Variants in GALK2 observed in about 807,000 individuals in gnomAD.
The protein encoded by GALK2 is galactokinase 2, also known as N-acetylgalactosamine kinase.
A neutral mutation model predicts 52.4 loss-of-function variants in GALK2; 36 were observed. The observed-to-expected ratio is 0.69, with a 90% CI of 0.53 to 0.91. The LOEUF (loss-of-function observed/expected upper bound fraction) is 0.91, where lower values mean the gene tolerates loss of function less well. Ranked by LOEUF, GALK2 falls within the 40% of genes least tolerant of loss-of-function variation. The pLI, the probability that GALK2 is intolerant of heterozygous loss-of-function variation, is 0.00. For synonymous variants in GALK2, 176 were observed against 199.1 expected (o/e 0.88, Z 0.98); for missense variants, 579 against 559.1 (o/e 1.04, Z -0.36).
intron 2 of GALK2, among the ~76,000 whole-genome samples, chr15:49,214,098 C>T (rs1180848381): frequency 4.6e-5 from 7 of 151,968 alleles, no homozygotes; most frequent in African/African-American, 7.3e-5. Flanking sequence ...CCAGCCTGGG[C>T]GACCGAGCAA....
intron 2 of GALK2, among the ~76,000 whole-genome samples, chr15:49,207,830 T>C (rs910103325): frequency 6.6e-6 from 1 of 152,196 alleles, no homozygotes; most frequent in Non-Finnish European, 1.5e-5. Flanking sequence ...CAGGCTGGAG[T>C]GCAGTGGTGT....
chr15:49,265,829 T>C (rs2086256), intron 5 of GALK2, among the ~76,000 whole-genome samples: 100,203 of 152,076 alleles, frequency 0.66, 33,607 homozygotes, highest in African/African-American at 0.74. Flanking sequence ...CCAAAAGCGC[T>C]TGTGAGTTTT....
chr15:49,304,227 T>C (rs2035358993), intron 8 of GALK2, among the ~76,000 whole-genome samples: 1 of 152,216 alleles, frequency 6.6e-6, no homozygotes, highest in Non-Finnish European at 1.5e-5. Flanking sequence ...AGTGTTCTCT[T>C]TGTATACAAA....
chr15:49,264,387 C>T (rs2092271408), intron 5 of GALK2, among the ~76,000 whole-genome samples: 1 of 152,186 alleles, frequency 6.6e-6, no homozygotes. Context: ...CTGCATTCTT[C>T]ACGTAGTTCT....
At chr15:49,171,677 A>G (rs1335954959) in intron 1 of GALK2, among the ~76,000 whole-genome samples, 2 of 151,996 alleles carry the variant, frequency 1.3e-5, no homozygotes, top group Non-Finnish European at 2.9e-5. Context: ...GCCCTTATAT[A>G]TTTGAATTAA....
At chr15:49,274,336 A>G (rs1427952919) in intron 5 of GALK2, among the ~76,000 whole-genome samples, 1 of 152,234 alleles carries the variant, frequency 6.6e-6, no homozygotes, top group African/African-American at 2.4e-5. Flanking sequence ...GGCAGTTGTA[A>G]CACAATGGTA....
At chr15:49,273,473 G>C (rs904436706) in intron 5 of GALK2, among the ~76,000 whole-genome samples, 2 of 151,838 alleles carry the variant, frequency 1.3e-5, no homozygotes, top group African/African-American at 4.8e-5. Flanking sequence ...TGCGAAAGTT[G>C]CTAATTCCTT....
chr15:49,287,720 G>C (rs945087582), intron 7 of GALK2, among the ~76,000 whole-genome samples: 10 of 152,190 alleles, frequency 6.6e-5, no homozygotes, highest in African/African-American at 2.4e-4. Flanking sequence ...TTTTGAAAAT[G>C]AGACTGAGAC....
intron 3 of GALK2, chr15:49,225,463 G>C (rs1222214792): frequency 3.2e-6 from 1 of 315,748 alleles, no homozygotes; most frequent in Non-Finnish European, 6.3e-6. Context: ...GCATGTGGGA[G>C]GGATCTAGGT....
intron 1 of GALK2, among the ~76,000 whole-genome samples, chr15:49,171,032 T>TTTTTC (rs931693636): frequency 1.3e-5 from 2 of 152,012 alleles, no homozygotes; most frequent in East Asian, 1.9e-4. Context: ...GCTTTTGCTG[T>TTTTTC]TTTTCTTTTC....
In GALK2 at chr15:49,354,898, C is replaced by T. The variant is rs542669127; in HGVS notation, c.427-12593C>T. ...CAGCATGCAGCTGGAGATCTGAGAA[C>T]GGGCAGACTGCCTCCTCAAGTGGGT... On this transcript the variant is annotated intron_variant, in intron 3 of 3. Transcript: ENST00000558399. Among the ~76,000 whole-genome samples the T allele has an allele frequency of 9.8e-4, 149 of 151,802 alleles. 5 individuals are homozygous for T. The South Asian group carries it at 0.027, about 28-fold the overall frequency.
At chr15:49,242,414 G>A (rs979732597) in intron 5 of GALK2, among the ~76,000 whole-genome samples, 22 of 152,152 alleles carry the variant, frequency 1.4e-4, no homozygotes, top group Non-Finnish European at 5.9e-5. Context: ...GCAATGAGTG[G>A]GAATAGTTGA....
downstream of GALK2, among the ~76,000 whole-genome samples, chr15:49,332,130 T>C (rs1596221244): frequency 6.9e-6 from 1 of 144,080 alleles, no homozygotes; most frequent in East Asian, 2.0e-4. Flanking sequence ...TCCACAACAG[T>C]CATACACTTA....
At chr15:49,347,735 T>C (rs2041707097) in intron 3 of GALK2, among the ~76,000 whole-genome samples, 1 of 152,126 alleles carries the variant, frequency 6.6e-6, no homozygotes, top group Non-Finnish European at 1.5e-5. Flanking sequence ...ATGGATAACA[T>C]TGGCCAGGCA....
chr15:49,216,703 T>C (rs1428041625), intron 2 of GALK2, among the ~76,000 whole-genome samples: 6 of 152,234 alleles, frequency 3.9e-5, no homozygotes, highest in South Asian at 2.1e-4. Context: ...TTGAGAATTC[T>C]GTCTTGCCCA....
intron 3 of GALK2, among the ~76,000 whole-genome samples, chr15:49,357,740 G>A (rs1444238269): frequency 6.6e-6 from 1 of 151,990 alleles, no homozygotes; most frequent in Non-Finnish European, 1.5e-5. Context: ...TCATTTATGA[G>A]GCCAGCATCA....
chr15:49,294,964 G>A (rs548836816), intron 8 of GALK2, among the ~76,000 whole-genome samples: 2 of 152,308 alleles, frequency 1.3e-5, no homozygotes, highest in African/African-American at 4.8e-5. Flanking sequence ...GGTATTGTGT[G>A]CAGTATGAGT....
intron 5 of GALK2, among the ~76,000 whole-genome samples, chr15:49,268,432 C>G (rs2092427212): frequency 2.0e-5 from 3 of 152,126 alleles, no homozygotes; most frequent in African/African-American, 7.2e-5. Context: ...GCAGAGTGTT[C>G]TAGATTGCTT....
chr15:49,170,850 T>C (rs2085029256), intron 1 of GALK2, among the ~76,000 whole-genome samples: 1 of 152,098 alleles, frequency 6.6e-6, no homozygotes, highest in Admixed American at 6.5e-5. Flanking sequence ...AGGGAATTAA[T>C]TTGCTGGCAG....
Sources: allele counts gnomAD v4.1 joint callset (sites outside exome capture counted in the v4.1 genomes callset), GRCh38; gene constraint gnomAD v4.1.1; transcripts MANE v1.5; gene names NCBI Gene and HGNC (gene_info 2026-07-23, HGNC 2026-07-21).